The following BTBD9 variants were observed in gnomAD, a reference collection of about 807,000 sequenced individuals.
The protein encoded by BTBD9 is BTB/POZ domain-containing protein 9.
Under a neutral mutation model 64.3 loss-of-function variants are expected in BTBD9, and 49 were observed. The ratio of observed to expected loss-of-function variants is 0.76; its 90% CI spans 0.61 to 0.97. The LOEUF (loss-of-function observed/expected upper bound fraction) is 0.97, where lower values mean the gene tolerates loss of function less well. BTBD9 is among the 50% of genes least tolerant of loss of function. BTBD9 has a pLI of 0.00. For synonymous variants in BTBD9, 260 were observed against 274.7 expected (o/e 0.95, Z 0.53); for missense variants, 598 against 762.1 (o/e 0.78, Z 2.53).
At chr6:38,424,948 C>G (rs1768080077) in intron 6 of BTBD9, among the ~76,000 whole-genome samples, 2 of 151,866 alleles carry the variant, frequency 1.3e-5, no homozygotes. Flanking sequence ...AAGCAATTCT[C>G]CTGCCTCAGC....
At chr6:38,341,096 A>C (rs1372837746) in intron 7 of BTBD9, among the ~76,000 whole-genome samples, 1 of 152,234 alleles carries the variant, frequency 6.6e-6, no homozygotes, top group African/African-American at 2.4e-5. Context: ...TAGACAGATA[A>C]ATAGAAGAGA....
At chr6:38,628,567 C>A (rs1427386998) in intron 1 of BTBD9, among the ~76,000 whole-genome samples, 1 of 152,092 alleles carries the variant, frequency 6.6e-6, no homozygotes, top group African/African-American at 2.4e-5. Flanking sequence ...AGAATAAACT[C>A]CGCAGTGTAG....
rs1260509752 is a variant in BTBD9, at chr6:38,380,979, A to G, written c.1155-35886T>C. On this transcript the variant is annotated intron_variant, in intron 6 of 10. Transcript: ENST00000481247. ...TAGTATAACCACTAAAATAGGATGT[A>G]TAACTTCCAGTATAGTAAGAGGGGG... Among the ~76,000 whole-genome samples, 5 of 152,222 alleles carry G rather than the reference A, an allele frequency of 3.3e-5. No individual in the cohort carries two copies. The South Asian group carries it at 6.2e-4, about 19-fold the overall frequency.
At chr6:38,541,429 T>C (rs748065536) in intron 6 of BTBD9, among the ~76,000 whole-genome samples, 29 of 152,266 alleles carry the variant, frequency 1.9e-4, no homozygotes, top group Middle Eastern at 3.4e-3. Context: ...AACATGGACA[T>C]AGAGGTCAAT....
In BTBD9 at chr6:38,230,395, G is replaced by A. The variant is rs1763554827; in HGVS notation, c.1562+26014C>T. Among the ~76,000 whole-genome samples the A allele has an allele frequency of 4.6e-5, 7 of 150,700 alleles. No individual in the cohort carries two copies. The South Asian group carries it at 1.0e-3, about 23-fold the overall frequency. Reference sequence around the variant, plus strand: ...CTATAGTCCCAGCTACTCAGGATGCGGAGGCAGGAGAATTGCTTGAACCTG... The same window carrying A: ...CTATAGTCCCAGCTACTCAGGATGCAGAGGCAGGAGAATTGCTTGAACCTG... On this transcript the variant is annotated intron_variant, in intron 9 of 10. Coordinates refer to ENST00000481247, the MANE Select transcript of BTBD9 (RefSeq NM_001099272.2).
intron 8 of BTBD9, among the ~76,000 whole-genome samples, chr6:38,259,682 G>C (rs1764724615): frequency 6.6e-6 from 1 of 152,134 alleles, no homozygotes; most frequent in Admixed American, 6.5e-5. Context: ...CTCCTAAAGG[G>C]CTCGCCTTCC....
intron 1 of BTBD9, among the ~76,000 whole-genome samples, chr6:38,625,835 T>C (rs1274535185): frequency 6.6e-6 from 1 of 152,206 alleles, no homozygotes; most frequent in Non-Finnish European, 1.5e-5. Flanking sequence ...AGGGTAACTA[T>C]GAGGATAAAA....
At chr6:38,360,481 C>T (rs1039528981) in intron 6 of BTBD9, among the ~76,000 whole-genome samples, 2 of 151,992 alleles carry the variant, frequency 1.3e-5, no homozygotes, top group Non-Finnish European at 2.9e-5. Context: ...CAGGAAATTA[C>T]AATACATATT....
At chr6:38,400,777 A>C (rs1032259717) in intron 6 of BTBD9, among the ~76,000 whole-genome samples, 2 of 152,228 alleles carry the variant, frequency 1.3e-5, no homozygotes, top group African/African-American at 4.8e-5. Flanking sequence ...ATTCATGCTC[A>C]CTGTAACAAC....
intron 6 of BTBD9, among the ~76,000 whole-genome samples, chr6:38,452,583 G>C (rs1171971101): frequency 2.0e-5 from 3 of 151,836 alleles, no homozygotes; most frequent in Non-Finnish European, 4.4e-5. Context: ...AAAAAAAAAA[G>C]ATGAATATAA....
intron 1 of BTBD9, among the ~76,000 whole-genome samples, chr6:38,607,769 CA>C (rs5875633): frequency 5.3e-4 from 76 of 144,382 alleles, no homozygotes; most frequent in East Asian, 2.3e-3. Flanking sequence ...ACTCCCAAGG[CA>C]AAAAAAAAAA....
chr6:38,462,384 T>C (rs566629895), intron 6 of BTBD9, among the ~76,000 whole-genome samples: 2 of 152,372 alleles, frequency 1.3e-5, no homozygotes, highest in African/African-American at 4.8e-5. Context: ...TACATATGAA[T>C]ATCCATTTGT....
chr6:38,236,716 G>A (rs1445973864), intron 9 of BTBD9, among the ~76,000 whole-genome samples: 2 of 152,184 alleles, frequency 1.3e-5, no homozygotes, highest in Non-Finnish European at 2.9e-5. Context: ...GATTTCTGCA[G>A]CAAATGGATT....
rs571131440 is a variant in BTBD9 at position 38,351,454 on chromosome 6, T to G, written c.1155-6361A>C. ...GAAGGGATGAGATAGGTAGAAATAA[T>G]TACTAATACACAAAGCCATTCCAAT... is the stretch of plus-strand genomic sequence containing the variant. On this transcript the variant is annotated intron_variant, in intron 6 of 10. Coordinates refer to ENST00000481247, the MANE Select transcript of BTBD9 (RefSeq NM_001099272.2). 4.6e-5 allele frequency among the ~76,000 whole-genome samples: 7 copies of G among 151,832 alleles called. No homozygotes were observed. The East Asian group carries it at 1.4e-3, about 29-fold the overall frequency.
At chr6:38,547,112 A>C (rs74933410) in intron 6 of BTBD9, among the ~76,000 whole-genome samples, 5 of 152,138 alleles carry the variant, frequency 3.3e-5, no homozygotes, top group Admixed American at 3.3e-4. Flanking sequence ...CTGTTCCCCC[A>C]TGTCCCTCTC....
chr6:38,545,205 C>A (rs1756093949), intron 6 of BTBD9, among the ~76,000 whole-genome samples: 1 of 151,930 alleles, frequency 6.6e-6, no homozygotes, highest in Non-Finnish European at 1.5e-5. Context: ...AATTCTCCTA[C>A]CTCAGCCTCC....
intron 6 of BTBD9, among the ~76,000 whole-genome samples, chr6:38,507,780 A>T (rs1272632995): frequency 6.7e-6 from 1 of 149,876 alleles, no homozygotes; most frequent in East Asian, 2.0e-4. Flanking sequence ...AAATCATCTC[A>T]TGTACTTGTA....
At chr6:38,585,858 C>A (rs545980752) in intron 4 of BTBD9, among the ~76,000 whole-genome samples, 1 of 151,330 alleles carries the variant, frequency 6.6e-6, no homozygotes, top group Admixed American at 6.6e-5. Context: ...AGCAAACAAA[C>A]CAAGAAATAT....
chr6:38,329,053 C>T (rs13197522), intron 7 of BTBD9, among the ~76,000 whole-genome samples: 28,559 of 149,278 alleles, frequency 0.19, 2,903 homozygotes, highest in African/African-American at 0.24. Flanking sequence ...ATAAAGATGG[C>T]ATCCTACTTC....
Sources: allele counts gnomAD v4.1 joint callset (sites outside exome capture counted in the v4.1 genomes callset), GRCh38; gene constraint gnomAD v4.1.1; transcripts MANE v1.5; gene names NCBI Gene and HGNC (gene_info 2026-07-23, HGNC 2026-07-21).